SCNN1B: variants seen among roughly 807,000 people sequenced by gnomAD.
SCNN1B encodes sodium channel epithelial 1 subunit beta, also known as epithelial sodium channel subunit beta.
Under a neutral mutation model 65.3 loss-of-function variants are expected in SCNN1B, and 46 were observed. The ratio of observed to expected loss-of-function variants is 0.70; its 90% CI spans 0.56 to 0.90. SCNN1B has a LOEUF of 0.90. SCNN1B is among the 40% of genes least tolerant of loss of function. The pLI, the probability that SCNN1B is intolerant of heterozygous loss-of-function variation, is 0.00. For synonymous variants in SCNN1B, 349 were observed against 330.6 expected (o/e 1.06, Z -0.60); for missense variants, 751 against 830.5 (o/e 0.90, Z 1.18).
intron 1 of SCNN1B, among the ~76,000 whole-genome samples, chr16:23,320,873 G>A (rs1961573112): frequency 6.6e-6 from 1 of 152,116 alleles, no homozygotes. Context: ...CCCTCTCTTG[G>A]GTCAGGCTGG....
At chr16:23,309,110 C>T (rs1961283139) in intron 1 of SCNN1B, among the ~76,000 whole-genome samples, 1 of 152,142 alleles carries the variant, frequency 6.6e-6, no homozygotes, top group Non-Finnish European at 1.5e-5. Context: ...ATGTCCCTCT[C>T]GGTCCTGGAG....
intron 1 of SCNN1B, among the ~76,000 whole-genome samples, chr16:23,325,163 C>A (rs1415372718): frequency 6.6e-6 from 1 of 152,178 alleles, no homozygotes; most frequent in African/African-American, 2.4e-5. Flanking sequence ...CAGGACAGGT[C>A]CAGAAATTAT....
intron 1 of SCNN1B, among the ~76,000 whole-genome samples, chr16:23,334,919 T>C (rs1961904629): frequency 1.3e-5 from 2 of 152,358 alleles, no homozygotes; most frequent in Middle Eastern, 6.8e-3. Context: ...GCTCGGCCCA[T>C]ACTTAGTATT....
At chr16:23,337,114 C>A (rs144518509) in intron 1 of SCNN1B, among the ~76,000 whole-genome samples, 1 of 152,034 alleles carries the variant, frequency 6.6e-6, no homozygotes, top group Non-Finnish European at 1.5e-5. Flanking sequence ...TGCAATGATA[C>A]AATCATAGCT....
chr16:23,365,594 A>AG (rs1491385666), intron 4 of SCNN1B, among the ~76,000 whole-genome samples: 2 of 59,692 alleles, frequency 3.4e-5, no homozygotes, highest in East Asian at 1.2e-3. Flanking sequence ...AAAGAGAAAG[A>AG]AAGAAAGAAA....
rs1961856257 is a variant in SCNN1B at position 23,333,141 on chromosome 16, GGAAGGAAAGAAGGAAGGA to G, written c.-8-15450_-8-15433del. Among the ~76,000 whole-genome samples the G allele has an allele frequency of 1.2e-4, 12 of 100,852 alleles. 1 individual carries two copies. The highest frequency in any genetic ancestry group is 4.1e-4 in the African/African-American group (9 of 21,922). 66.2% of individuals were successfully genotyped at this position (100,852 alleles called of 152,430 possible). On this transcript the variant is annotated intron_variant, in intron 1 of 12. Transcript: ENST00000343070. ...AGGGAGGGAGGGAGGGAGGGAGGAA[GGAAGGAAAGAAGGAAGGA>G]AGGAAGGAAGGAAGGAAGGAAGGAA...
chr16:23,311,365 C>G (rs549405329), intron 1 of SCNN1B, among the ~76,000 whole-genome samples: 1 of 152,198 alleles, frequency 6.6e-6, no homozygotes, highest in Non-Finnish European at 1.5e-5. Context: ...TCTTCTGTAG[C>G]CTCTCTCAAG....
intron 1 of SCNN1B, among the ~76,000 whole-genome samples, chr16:23,332,006 G>A (rs184965154): frequency 6.6e-6 from 1 of 152,056 alleles, no homozygotes; most frequent in Admixed American, 6.6e-5. Flanking sequence ...GAGCTCTGAG[G>A]AATGGGATCT....
At chr16:23,378,824 G>C in intron 11 of SCNN1B, 57 bp downstream of exon 11, 3 of 1,545,132 alleles carry the variant, frequency 1.9e-6, no homozygotes, top group Non-Finnish European at 2.7e-6. Context: ...AGAAACTCGG[G>C]GCAGGAGTTT....
At chr16:23,279,117 C>T (rs953106218) in intron 1 of SCNN1B, among the ~76,000 whole-genome samples, 2 of 151,694 alleles carry the variant, frequency 1.3e-5, no homozygotes, top group Admixed American at 1.3e-4. Flanking sequence ...GACTCTGTCA[C>T]CCAGGCTGGA....
intron 2 of SCNN1B, among the ~76,000 whole-genome samples, chr16:23,285,286 T>C (rs1437740009): frequency 6.6e-6 from 1 of 152,112 alleles, no homozygotes; most frequent in Non-Finnish European, 1.5e-5. Flanking sequence ...TATCCTCTTG[T>C]CTCAGCCTCC....
intron 2 of SCNN1B, among the ~76,000 whole-genome samples, chr16:23,286,244 T>A (rs1960848618): frequency 6.6e-6 from 1 of 152,208 alleles, no homozygotes; most frequent in African/African-American, 2.4e-5. Flanking sequence ...ATTAGAACTT[T>A]GCAACTCCGA....
intron 1 of SCNN1B, among the ~76,000 whole-genome samples, chr16:23,334,112 G>T (rs116300448): frequency 2.6e-5 from 4 of 152,248 alleles, no homozygotes; most frequent in African/African-American, 7.2e-5. Context: ...GAATGAAACC[G>T]TGGGACAGCC....
chr16:23,351,579 G>C (rs1962309994), intron 2 of SCNN1B, among the ~76,000 whole-genome samples: 1 of 152,208 alleles, frequency 6.6e-6, no homozygotes, highest in African/African-American at 2.4e-5. Context: ...TTTGTACCAG[G>C]ACCTTGGCCT....
chr16:23,338,938 C>T (rs1772149533), intron 1 of SCNN1B, among the ~76,000 whole-genome samples: 1 of 152,180 alleles, frequency 6.6e-6, no homozygotes, highest in Admixed American at 6.5e-5. Flanking sequence ...TGAGTTTTCA[C>T]AAGTGTATGC....
intron 1 of SCNN1B, among the ~76,000 whole-genome samples, chr16:23,327,231 T>A (rs911911396): frequency 1.3e-5 from 2 of 151,814 alleles, no homozygotes. Flanking sequence ...ATAGTTTTTT[T>A]AAAAAAACAA....
intron 1 of SCNN1B, among the ~76,000 whole-genome samples, chr16:23,306,180 T>C (rs1961215022): frequency 6.6e-6 from 1 of 151,838 alleles, no homozygotes; most frequent in African/African-American, 2.4e-5. Flanking sequence ...AAGGTGGAGA[T>C]TGCGATGAGC....
At chr16:23,308,573 G>C (rs1961270490) in intron 1 of SCNN1B, among the ~76,000 whole-genome samples, 1 of 152,146 alleles carries the variant, frequency 6.6e-6, no homozygotes, top group African/African-American at 2.4e-5. Flanking sequence ...TCCCACATCA[G>C]AGACTCTCAG....
At chr16:23,328,317 A>T (rs1961739203) in intron 1 of SCNN1B, among the ~76,000 whole-genome samples, 1 of 152,190 alleles carries the variant, frequency 6.6e-6, no homozygotes, top group South Asian at 2.1e-4. Flanking sequence ...TTAGGACAAA[A>T]CTAAAGTAGA....
Sources: allele counts gnomAD v4.1 joint callset (sites outside exome capture counted in the v4.1 genomes callset), GRCh38; gene constraint gnomAD v4.1.1; transcripts MANE v1.5; gene names NCBI Gene and HGNC (gene_info 2026-07-23, HGNC 2026-07-21).